CHCHD3: variants seen among roughly 807,000 people sequenced by gnomAD.
CHCHD3 encodes the protein MICOS complex subunit MIC19.
CHCHD3 carries 20 observed loss-of-function variants against 38.2 expected under a neutral mutation model. That is an observed-to-expected ratio of 0.52 (90% confidence interval 0.37 to 0.76). CHCHD3 has a LOEUF of 0.76. Among genes scored for constraint, CHCHD3 ranks in the 30% least tolerant of loss-of-function variants. CHCHD3 has a pLI of 0.00. For synonymous variants in CHCHD3, 82 were observed against 100.0 expected (o/e 0.82, Z 1.07); for missense variants, 245 against 279.2 (o/e 0.88, Z 0.87).
chr7:132,996,003 C>T (rs563563296), intron 3 of CHCHD3, among the ~76,000 whole-genome samples: 39 of 152,202 alleles, frequency 2.6e-4, no homozygotes, highest in African/African-American at 8.9e-4. Context: ...GAAACCACAG[C>T]TTAGAGAAGT....
intron 5 of CHCHD3, among the ~76,000 whole-genome samples, chr7:132,880,908 C>T (rs1809033902): frequency 6.6e-6 from 1 of 152,108 alleles, no homozygotes; most frequent in Admixed American, 6.5e-5. Context: ...TCTCAACTTC[C>T]TCTCATGAAA....
chr7:132,810,736 TC>T (rs1807046812), intron 6 of CHCHD3, among the ~76,000 whole-genome samples: 1 of 152,166 alleles, frequency 6.6e-6, no homozygotes, highest in Non-Finnish European at 1.5e-5. Flanking sequence ...CATGCTGAGC[TC>T]CATTAGTTTT....
At chr7:132,980,824 A>G (rs543183417) in intron 3 of CHCHD3, among the ~76,000 whole-genome samples, 104 of 152,286 alleles carry the variant, frequency 6.8e-4, no homozygotes, top group South Asian at 4.3e-3. Flanking sequence ...CTAGTTCTCT[A>G]TATTTTAGTC....
In CHCHD3 at chr7:133,035,155, C is replaced by T. The variant is rs540162950; in HGVS notation, c.170-10528G>A. ...TCCATCTCCTCCTCAGGAGCAGGGG[C>T]AGCCGCCTTTTTCTCCTCCTTCCGC... is the stretch of plus-strand genomic sequence containing the variant. On this transcript the variant is annotated intron_variant, in intron 2 of 7. Coordinates refer to ENST00000262570, the MANE Select transcript of CHCHD3 (RefSeq NM_017812.4). This position sits in a 1 kb window ranked among gnomAD's most constrained non-coding sequence, Gnocchi z 4.7. The T allele has an allele frequency of 6.0e-3, 9,680 of 1,613,652 alleles. 40 individuals are homozygous for T. The highest frequency in any genetic ancestry group is 7.6e-3 in the Non-Finnish European group (8,939 of 1,179,630).
At chr7:133,027,391 G>GAGAA (rs1303133933) in intron 2 of CHCHD3, among the ~76,000 whole-genome samples, 1 of 120,902 alleles carries the variant, frequency 8.3e-6, no homozygotes, top group East Asian at 2.7e-4. Flanking sequence ...GAGAGAAAGA[G>GAGAA]AGAGAGAGGG....
At chr7:132,912,874 G>T (rs773750738) in intron 4 of CHCHD3, among the ~76,000 whole-genome samples, 9 of 152,162 alleles carry the variant, frequency 5.9e-5, no homozygotes, top group Non-Finnish European at 8.8e-5. Flanking sequence ...ACTACTAACA[G>T]TACCTCCCAC....
At chr7:132,969,045 G>A (rs978553208) in intron 4 of CHCHD3, among the ~76,000 whole-genome samples, 1 of 151,954 alleles carries the variant, frequency 6.6e-6, no homozygotes, top group African/African-American at 2.4e-5. Flanking sequence ...CTTCACTGGT[G>A]CATTTCAGAC....
chr7:133,000,122 G>A (rs1812526120), intron 3 of CHCHD3, among the ~76,000 whole-genome samples: 1 of 152,068 alleles, frequency 6.6e-6, no homozygotes, highest in Non-Finnish European at 1.5e-5. Flanking sequence ...CAGAAAACTT[G>A]ATACATTTGC....
At chr7:132,895,615 G>A (rs1164661444) in intron 4 of CHCHD3, among the ~76,000 whole-genome samples, 3 of 152,230 alleles carry the variant, frequency 2.0e-5, no homozygotes, top group Admixed American at 2.0e-4. Context: ...GGTTTTTCCT[G>A]TGCTGTCCTC....
At chr7:132,973,199 T>C (rs1811655395) in intron 4 of CHCHD3, 5 of 985,156 alleles carry the variant, frequency 5.1e-6, no homozygotes, top group Middle Eastern at 5.2e-4. Context: ...AAAGATAAGA[T>C]TCAAAAGAGT....
chr7:132,911,439 C>G (rs1304147605), intron 4 of CHCHD3, among the ~76,000 whole-genome samples: 2 of 152,142 alleles, frequency 1.3e-5, no homozygotes, highest in Non-Finnish European at 2.9e-5. Flanking sequence ...CAGCAACCAC[C>G]AGAATGCAAA....
At chr7:133,000,053 A>G (rs1188354995) in intron 3 of CHCHD3, among the ~76,000 whole-genome samples, 4 of 152,172 alleles carry the variant, frequency 2.6e-5, no homozygotes. Context: ...CAGCAATTTT[A>G]TCAACAATTA....
chr7:132,831,099 C>T (rs772918823), intron 6 of CHCHD3, among the ~76,000 whole-genome samples: 1 of 152,112 alleles, frequency 6.6e-6, no homozygotes, highest in Non-Finnish European at 1.5e-5. Context: ...CCTGTAATAT[C>T]GCATTCTTTT....
chr7:132,990,614 T>A (rs939761080), intron 3 of CHCHD3, among the ~76,000 whole-genome samples: 4 of 152,114 alleles, frequency 2.6e-5, no homozygotes, highest in African/African-American at 7.2e-5. Flanking sequence ...AACATGAGAA[T>A]CTCAGTACAC....
intron 4 of CHCHD3, among the ~76,000 whole-genome samples, chr7:132,922,793 G>T (rs1033665694): frequency 4.0e-5 from 6 of 151,872 alleles, no homozygotes; most frequent in Admixed American, 3.9e-4. Context: ...CTTACAAATA[G>T]CTACCCTGTA....
chr7:132,920,702 G>A (rs1810238741), intron 4 of CHCHD3, among the ~76,000 whole-genome samples: 1 of 152,160 alleles, frequency 6.6e-6, no homozygotes, highest in Admixed American at 6.5e-5. Flanking sequence ...AAGTTCAGGT[G>A]CTTGGTACTT....
At chr7:132,929,110 A>T (rs1810456251) in intron 4 of CHCHD3, among the ~76,000 whole-genome samples, 1 of 152,236 alleles carries the variant, frequency 6.6e-6, no homozygotes, top group South Asian at 2.1e-4. Flanking sequence ...TCTTCATAGA[A>T]TAATAACTAT....
intron 5 of CHCHD3, among the ~76,000 whole-genome samples, chr7:132,842,321 C>G (rs967831324): frequency 6.6e-6 from 1 of 152,126 alleles, no homozygotes; most frequent in Non-Finnish European, 1.5e-5. Context: ...CAAACATACT[C>G]TCTTCATTTT....
chr7:133,006,361 G>T (rs976411640), intron 3 of CHCHD3, among the ~76,000 whole-genome samples: 16 of 152,022 alleles, frequency 1.1e-4, no homozygotes, highest in African/African-American at 3.6e-4. Context: ...AGCTACTTGG[G>T]AGCCTGAGGC....
Sources: gnomAD v4.1 joint callset for allele counts (sites outside exome capture counted in the v4.1 genomes callset) on GRCh38, gnomAD v4.1.1 for gene constraint, Gnocchi (gnomAD v3.1) non-coding constraint, MANE v1.5 for transcripts, NCBI Gene and HGNC (gene_info 2026-07-23, HGNC 2026-07-21) for gene names.